DIP2C: variants seen among roughly 807,000 people sequenced by gnomAD.
DIP2C encodes DIP2 acetate--CoA ligase C (putative).
DIP2C carries 33 observed loss-of-function variants against 192.4 expected under a neutral mutation model. The ratio of observed to expected loss-of-function variants is 0.17; its 90% confidence interval spans 0.13 to 0.23. The LOEUF (loss-of-function observed/expected upper bound fraction) is 0.23, where lower values mean the gene tolerates loss of function less well. DIP2C is among the 10% of genes least tolerant of loss of function. The probability of loss-of-function intolerance (pLI) is 1.00; values close to 1 mark genes in which losing one functional copy is unlikely to be tolerated. For missense variants in DIP2C, 1,537 were observed against 2,110.1 expected (o/e 0.73, Z 5.32); for synonymous variants, 979 against 864.1 (o/e 1.13, Z -2.33).
At chr10:587,251 G>A (rs1016041391) in intron 1 of DIP2C, among the ~76,000 whole-genome samples, 1 of 152,204 alleles carries the variant, frequency 6.6e-6, no homozygotes, top group Non-Finnish European at 1.5e-5. Flanking sequence ...GGCAAACAGT[G>A]CAGGGTCTAA....
intron 4 of DIP2C, among the ~76,000 whole-genome samples, chr10:433,068 G>A (rs577053562): frequency 1.3e-5 from 2 of 152,266 alleles, no homozygotes; most frequent in South Asian, 4.2e-4. Flanking sequence ...TCAGCATTCT[G>A]TTGTTGGAGG....
At chr10:616,603 G>A (rs1281995435) in intron 1 of DIP2C, among the ~76,000 whole-genome samples, 2 of 152,202 alleles carry the variant, frequency 1.3e-5, no homozygotes, top group East Asian at 3.9e-4. Flanking sequence ...TTCCTCACCA[G>A]CACAGCACCC....
At chr10:367,151 C>T (rs1345040662) in intron 18 of DIP2C, among the ~76,000 whole-genome samples, 3 of 152,230 alleles carry the variant, frequency 2.0e-5, no homozygotes, top group Non-Finnish European at 4.4e-5. Flanking sequence ...GACGCGGTGG[C>T]TCACGCCTGT....
chr10:510,663 G>A lies in DIP2C; in HGVS notation c.86-24133C>T, dbSNP rs558941182. Among the ~76,000 whole-genome samples, 18 of 152,334 alleles carry A rather than the reference G, an allele frequency of 1.2e-4. No individual in the cohort carries two copies. The South Asian group carries it at 1.9e-3, about 16-fold the overall frequency. On this transcript the variant is annotated intron_variant, in intron 1 of 36. Coordinates refer to ENST00000280886, the MANE Select transcript of DIP2C (RefSeq NM_014974.3). ...AACAAAACTCTATTGCAGCACAGAC[G>A]GAAATCTAGAAGCAAAAGAAGCTGA...
intron 4 of DIP2C, among the ~76,000 whole-genome samples, chr10:424,527 G>A (rs753382154): frequency 2.3e-4 from 35 of 151,720 alleles, no homozygotes; most frequent in African/African-American, 3.4e-4. Context: ...CACTATGACC[G>A]GCTAATTTTT....
At chr10:367,704 C>T (rs1960440770) in intron 18 of DIP2C, among the ~76,000 whole-genome samples, 1 of 152,210 alleles carries the variant, frequency 6.6e-6, no homozygotes, top group African/African-American at 2.4e-5. Flanking sequence ...AACGGGGGGG[C>T]TCAAATAAAC....
intron 31 of DIP2C, among the ~76,000 whole-genome samples, chr10:318,356 C>T (rs1164304722): frequency 6.6e-6 from 1 of 152,204 alleles, no homozygotes; most frequent in Non-Finnish European, 1.5e-5. Context: ...CATCCATTTA[C>T]AGCACAAACC....
At chr10:632,184 G>A (rs929675099) in intron 1 of DIP2C, among the ~76,000 whole-genome samples, 15 of 152,236 alleles carry the variant, frequency 9.9e-5, no homozygotes, top group South Asian at 2.1e-4. Context: ...TGTTGCCTGT[G>A]AAGAGAGAAA....
chr10:403,857 TG>T (rs952721920), intron 9 of DIP2C, among the ~76,000 whole-genome samples: 1 of 104,784 alleles, frequency 9.5e-6, no homozygotes, highest in African/African-American at 3.6e-5. Flanking sequence ...TTTACACGTG[TG>T]GTGGCATTAG....
chr10:661,603 C>G (rs1260625283), intron 1 of DIP2C, among the ~76,000 whole-genome samples: 1 of 152,194 alleles, frequency 6.6e-6, no homozygotes, highest in Non-Finnish European at 1.5e-5. Flanking sequence ...GGAACTGCAC[C>G]GTGCAGCTCT....
chr10:603,323 AAAAAAAAAAACC>A (rs1421397553), intron 1 of DIP2C, among the ~76,000 whole-genome samples: 77 of 136,928 alleles, frequency 5.6e-4, no homozygotes, highest in African/African-American at 2.2e-3. Context: ...AAAAAAAAAA[AAAAAAAAAAACC>A]AACCATGAGA....
chr10:408,871 C>G, intron 9 of DIP2C, 55 bp downstream of exon 9: 1 of 1,574,780 alleles, frequency 6.4e-7, no homozygotes, highest in Non-Finnish European at 8.7e-7. Flanking sequence ...CAGTGGGCAC[C>G]TTTTCCCACA....
chr10:355,988 G>A (rs146882813), intron 24 of DIP2C, among the ~76,000 whole-genome samples: 3 of 152,200 alleles, frequency 2.0e-5, no homozygotes, highest in East Asian at 1.9e-4. Flanking sequence ...GCTGATGCAC[G>A]AGAATTGCTT....
intron 2 of DIP2C, among the ~76,000 whole-genome samples, chr10:485,960 C>T (rs1423585666): frequency 1.3e-5 from 2 of 152,188 alleles, no homozygotes; most frequent in Non-Finnish European, 2.9e-5. Flanking sequence ...CACGTAGAAA[C>T]GCTGGCGGGA....
At chr10:404,642 G>A (rs1487350682) in intron 9 of DIP2C, among the ~76,000 whole-genome samples, 1 of 152,202 alleles carries the variant, frequency 6.6e-6, no homozygotes, top group East Asian at 1.9e-4. Context: ...CATCCAGATG[G>A]TCATTGAGAG....
chr10:340,931 G>A, intron 29 of DIP2C: 1 of 545,776 alleles, frequency 1.8e-6, no homozygotes, highest in South Asian at 1.5e-5. Flanking sequence ...GAGCCTGGGA[G>A]TCTTCTGATT....
chr10:476,851 T>C (rs77931202), intron 2 of DIP2C, among the ~76,000 whole-genome samples: 2,359 of 151,906 alleles, frequency 0.016, 66 homozygotes, highest in African/African-American at 0.054. Context: ...AGAATGAATC[T>C]TGGAGCAAGG....
chr10:435,495 C>G (rs1010861975), intron 4 of DIP2C, among the ~76,000 whole-genome samples: 1 of 152,240 alleles, frequency 6.6e-6, no homozygotes, highest in Non-Finnish European at 1.5e-5. Flanking sequence ...CACAACCTCA[C>G]TACAGCAATT....
intron 6 of DIP2C, among the ~76,000 whole-genome samples, chr10:418,359 G>GTT (rs1965944249): frequency 6.7e-6 from 1 of 149,592 alleles, no homozygotes; most frequent in Non-Finnish European, 1.5e-5. Flanking sequence ...CTCCCTGTCC[G>GTT]CCTGTGAGTC....
Sources: gnomAD v4.1 joint callset for allele counts (sites outside exome capture counted in the v4.1 genomes callset) on GRCh38, gnomAD v4.1.1 for gene constraint, MANE v1.5 for transcripts, NCBI Gene and HGNC (gene_info 2026-07-23, HGNC 2026-07-21) for gene names.